SMOC2: variants seen among roughly 807,000 people sequenced by gnomAD.
SMOC2 encodes the protein SPARC related modular calcium binding 2.
A neutral mutation model predicts 61.4 loss-of-function variants in SMOC2; 39 were observed. That is an observed-to-expected ratio of 0.64 (90% CI 0.49 to 0.83). The LOEUF is 0.83. SMOC2 is among the 40% of genes least tolerant of loss of function. SMOC2 has a pLI of 0.00. For missense variants in SMOC2, 556 were observed against 592.9 expected (o/e 0.94, Z 0.65); for synonymous variants, 247 against 239.9 (o/e 1.03, Z -0.27).
At chr6:168,543,722 T>G (rs147613612) in intron 5 of SMOC2, 50 bp downstream of exon 5, 2 of 1,527,850 alleles carry the variant, frequency 1.3e-6, no homozygotes, top group South Asian at 2.3e-5. Flanking sequence ...ATCTAACTTA[T>G]CCCGTGAAAT....
chr6:168,530,317 C>A (rs988512667), intron 4 of SMOC2, among the ~76,000 whole-genome samples: 3 of 152,130 alleles, frequency 2.0e-5, no homozygotes, highest in Non-Finnish European at 4.4e-5. Flanking sequence ...TCAGAAAGAT[C>A]TTTAATAGGA....
intron 9 of SMOC2, among the ~76,000 whole-genome samples, chr6:168,625,523 G>GT (rs1361567474): frequency 6.6e-6 from 1 of 152,198 alleles, no homozygotes; most frequent in African/African-American, 2.4e-5. Flanking sequence ...TTTGCTTTTG[G>GT]TGGTTTTCTT....
chr6:168,600,412 AAAAAAAAAAC>A (rs1311760091), intron 8 of SMOC2, among the ~76,000 whole-genome samples: 457 of 26,552 alleles, frequency 0.017, 25 homozygotes, highest in African/African-American at 0.047. Flanking sequence ...TGCCTCAAAA[AAAAAAAAAAC>A]AAAAAAAAAA....
At chr6:168,587,054 A>T (rs1163066700) in intron 7 of SMOC2, among the ~76,000 whole-genome samples, 1 of 152,250 alleles carries the variant, frequency 6.6e-6, no homozygotes, top group Non-Finnish European at 1.5e-5. Flanking sequence ...ATCTTAATAA[A>T]AATGAGCAAC....
chr6:168,480,173 A>G (rs946471427), intron 1 of SMOC2, among the ~76,000 whole-genome samples: 1 of 152,224 alleles, frequency 6.6e-6, no homozygotes, highest in South Asian at 2.1e-4. Context: ...GAGTTATCAC[A>G]GTATTAAATT....
intron 6 of SMOC2, 37 bp downstream of exon 6, chr6:168,547,206 G>A: frequency 6.3e-7 from 1 of 1,576,442 alleles, no homozygotes; most frequent in Non-Finnish European, 8.7e-7. Flanking sequence ...CTGGGTTGGG[G>A]AGGAGTGCGA....
chr6:168,552,834 C>A (rs1470665698), intron 7 of SMOC2, among the ~76,000 whole-genome samples: 1 of 141,778 alleles, frequency 7.1e-6, no homozygotes, highest in Non-Finnish European at 1.5e-5. Context: ...CCCACCCCCC[C>A]ACCAGCCTGT....
At chr6:168,597,923 C>T (rs62422517) in intron 7 of SMOC2, among the ~76,000 whole-genome samples, 423 of 152,330 alleles carry the variant, frequency 2.8e-3, no homozygotes, top group Non-Finnish European at 5.1e-3. Context: ...AGATGGATGT[C>T]AGACATACAT....
At chr6:168,526,027 G>A (rs1052403176) in intron 2 of SMOC2, among the ~76,000 whole-genome samples, 1 of 152,216 alleles carries the variant, frequency 6.6e-6, no homozygotes, top group Non-Finnish European at 1.5e-5. Flanking sequence ...TCAGGAAGCA[G>A]GGGCCACCTG....
At chr6:168,477,196 C>A (rs1344141948) in intron 1 of SMOC2, among the ~76,000 whole-genome samples, 2 of 152,172 alleles carry the variant, frequency 1.3e-5, no homozygotes, top group African/African-American at 4.8e-5. Flanking sequence ...TGTGGACACT[C>A]CAGCCCATGC....
At chr6:168,599,223 CCCA>C (rs1259205444) in intron 8 of SMOC2, among the ~76,000 whole-genome samples, 69 of 146,762 alleles carry the variant, frequency 4.7e-4, no homozygotes, top group East Asian at 1.0e-3. Context: ...CCCACACACA[CCCA>C]TGGTCTCTCT....
intron 9 of SMOC2, among the ~76,000 whole-genome samples, chr6:168,613,668 C>A (rs1162370484): frequency 2.0e-5 from 3 of 147,222 alleles, no homozygotes; most frequent in Non-Finnish European, 4.5e-5. Flanking sequence ...AGCCTCTTCA[C>A]ACCTACAGCC....
intron 9 of SMOC2, among the ~76,000 whole-genome samples, chr6:168,633,656 C>G (rs886668395): frequency 6.6e-6 from 1 of 152,114 alleles, no homozygotes; most frequent in African/African-American, 2.4e-5. Flanking sequence ...GCAGGAGACA[C>G]AGAAGGGCCA....
At chr6:168,578,905 A>G (rs1402506216) in intron 7 of SMOC2, among the ~76,000 whole-genome samples, 1 of 152,228 alleles carries the variant, frequency 6.6e-6, no homozygotes, top group Non-Finnish European at 1.5e-5. Context: ...GAAATGCAGC[A>G]TTCCTGCCTC....
intron 1 of SMOC2, among the ~76,000 whole-genome samples, chr6:168,474,629 A>C (rs914798577): frequency 6.6e-6 from 1 of 152,126 alleles, no homozygotes; most frequent in African/African-American, 2.4e-5. Flanking sequence ...AGACGTATAC[A>C]ACTGCCTCCT....
At chr6:168,598,731 G>C in intron 7 of SMOC2, 87 bp from the exon 8 acceptor site, 1 of 1,454,662 alleles carries the variant, frequency 6.9e-7, no homozygotes, top group Non-Finnish European at 9.5e-7. Context: ...CATCGTTCTT[G>C]GCAGTTCTCT....
At chr6:168,533,589 T>A (rs999110306) in intron 4 of SMOC2, among the ~76,000 whole-genome samples, 1 of 152,190 alleles carries the variant, frequency 6.6e-6, no homozygotes, top group Non-Finnish European at 1.5e-5. Flanking sequence ...CTCCAATGTC[T>A]CTGAAGCACT....
rs913187359 is a variant in SMOC2 at position 168,553,256 on chromosome 6, G to A, written c.637+4053G>A. Among the ~76,000 whole-genome samples the A allele has an allele frequency of 4.6e-5, 7 of 152,118 alleles. No homozygotes were observed. Among genetic ancestry groups the A allele is most frequent in the Non-Finnish European group, 7.4e-5 (5 of 68,018 alleles). ...AAACGAGTAAAATCTGAAGTTGCCT[G>A]TTACTTAAAAGTGCATTACTCAGTT... On this transcript the variant is annotated intron_variant, in intron 7 of 12. Coordinates refer to ENST00000356284, the MANE Select transcript of SMOC2 (RefSeq NM_001166412.2). This position sits in a 1 kb window ranked among gnomAD's most constrained non-coding sequence, Gnocchi z 4.2.
intron 1 of SMOC2, among the ~76,000 whole-genome samples, chr6:168,473,885 C>T (rs1038512199): frequency 6.6e-6 from 1 of 152,034 alleles, no homozygotes; most frequent in African/African-American, 2.4e-5. Flanking sequence ...TGGGACAGCA[C>T]GGCATGTGTG....
Sources: allele counts gnomAD v4.1 joint callset (sites outside exome capture counted in the v4.1 genomes callset), GRCh38; gene constraint gnomAD v4.1.1; non-coding constraint Gnocchi (gnomAD v3.1); transcripts MANE v1.5; gene names NCBI Gene and HGNC (gene_info 2026-07-23, HGNC 2026-07-21).